ROBO1: variants seen among roughly 807,000 people sequenced by gnomAD.
ROBO1 encodes the protein roundabout guidance receptor 1.
Under a neutral mutation model 195.9 loss-of-function variants are expected in ROBO1, and 149 were observed. The observed-to-expected ratio is 0.76, with a 90% CI of 0.67 to 0.87. ROBO1 has a LOEUF of 0.87. Ranked by LOEUF, ROBO1 falls within the 40% of genes least tolerant of loss-of-function variation. The pLI is 0.00. For missense variants in ROBO1, 1,933 were observed against 2,068.3 expected, an observed-to-expected ratio of 0.93 and a Z score of 1.27; for synonymous variants, 816 against 733.2, an observed-to-expected ratio of 1.11 and a Z score of -1.82.
At chr3:78,973,708 A>G (rs891459488) in intron 3 of ROBO1, among the ~76,000 whole-genome samples, 6 of 151,226 alleles carry the variant, frequency 4.0e-5, no homozygotes, top group African/African-American at 1.5e-4. Flanking sequence ...CATACTTTTC[A>G]TATTTTTCAG....
At chr3:78,728,181 C>T (rs921429040) in intron 5 of ROBO1, among the ~76,000 whole-genome samples, 1 of 151,584 alleles carries the variant, frequency 6.6e-6, no homozygotes, top group Non-Finnish European at 1.5e-5. Flanking sequence ...TTCACAGAGC[C>T]CTAAAAGAGA....
intron 2 of ROBO1, among the ~76,000 whole-genome samples, chr3:79,483,893 T>A (rs934565723): frequency 4.4e-4 from 66 of 150,242 alleles, no homozygotes; most frequent in African/African-American, 1.6e-3. Flanking sequence ...AGAAGGAGAG[T>A]GCAGAACTGG....
chr3:79,738,098 A>AT (rs1303430663), intron 1 of ROBO1, among the ~76,000 whole-genome samples: 4 of 152,168 alleles, frequency 2.6e-5, no homozygotes, highest in Non-Finnish European at 2.9e-5. Context: ...AGCCAATTTT[A>AT]TTTTTTCAGA....
chr3:79,598,496 C>A (rs1944246985), intron 1 of ROBO1, among the ~76,000 whole-genome samples: 1 of 151,990 alleles, frequency 6.6e-6, no homozygotes, highest in South Asian at 2.1e-4. Context: ...AAAAGTAACA[C>A]CAAATATCAG....
At chr3:79,202,860 T>C (rs2081794430) in intron 2 of ROBO1, among the ~76,000 whole-genome samples, 1 of 152,112 alleles carries the variant, frequency 6.6e-6, no homozygotes, top group South Asian at 2.1e-4. Flanking sequence ...AGCTATAAAA[T>C]TTCCTTTAAA....
intron 4 of ROBO1, among the ~76,000 whole-genome samples, chr3:78,762,734 T>A (rs1241592659): frequency 2.0e-5 from 3 of 152,066 alleles, no homozygotes; most frequent in Non-Finnish European, 2.9e-5. Context: ...TTTTTATAAT[T>A]GAAATAACAT....
chr3:79,192,135 C>T (rs1559725042), intron 2 of ROBO1, among the ~76,000 whole-genome samples: 1 of 151,276 alleles, frequency 6.6e-6, no homozygotes, highest in Admixed American at 6.6e-5. Flanking sequence ...GAAATATATC[C>T]CCACATTTGA....
intron 3 of ROBO1, among the ~76,000 whole-genome samples, chr3:78,970,098 G>C (rs1010983578): frequency 6.6e-6 from 1 of 151,954 alleles, no homozygotes; most frequent in Non-Finnish European, 1.5e-5. Flanking sequence ...AGGAGCCAAA[G>C]ACTCATTAAA....
intron 2 of ROBO1, among the ~76,000 whole-genome samples, chr3:79,265,495 G>A (rs2083023360): frequency 1.3e-5 from 2 of 151,614 alleles, no homozygotes; most frequent in East Asian, 1.9e-4. Context: ...ATATCTAGAG[G>A]AGAGAGTAAT....
At chr3:79,440,995 T>C (rs964765029) in intron 2 of ROBO1, among the ~76,000 whole-genome samples, 9 of 152,168 alleles carry the variant, frequency 5.9e-5, no homozygotes, top group African/African-American at 2.2e-4. Context: ...AATATCAAGT[T>C]AAAGTTTGAC....
intron 11 of ROBO1, 39 bp from the exon 12 acceptor site, chr3:78,668,604 A>G: frequency 6.3e-7 from 1 of 1,593,620 alleles, no homozygotes; most frequent in Non-Finnish European, 8.6e-7. Flanking sequence ...TGGAAAAATC[A>G]AGAACTCACT....
chr3:79,719,156 C>T (rs1702600414), intron 1 of ROBO1, among the ~76,000 whole-genome samples: 4 of 151,054 alleles, frequency 2.6e-5, no homozygotes, highest in African/African-American at 7.3e-5. Flanking sequence ...AGGAACTAGT[C>T]GAAAATGAAC....
At chr3:79,342,429 C>T (rs76341860) in intron 2 of ROBO1, among the ~76,000 whole-genome samples, 8,589 of 152,186 alleles carry the variant, frequency 0.056, 295 homozygotes, top group African/African-American at 0.092. Flanking sequence ...AGAAAAGTGG[C>T]TTTTAAAGCT....
At chr3:79,246,205 T>C (rs1301008676) in intron 2 of ROBO1, among the ~76,000 whole-genome samples, 3 of 152,116 alleles carry the variant, frequency 2.0e-5, no homozygotes, top group Non-Finnish European at 4.4e-5. Flanking sequence ...ACATAACTTA[T>C]GAATGAATGC....
At chr3:78,724,614 A>T (rs1229509404) in intron 5 of ROBO1, among the ~76,000 whole-genome samples, 1 of 151,826 alleles carries the variant, frequency 6.6e-6, no homozygotes, top group Non-Finnish European at 1.5e-5. Context: ...GCTGTGAGGC[A>T]GAGGTTGCAG....
intron 2 of ROBO1, among the ~76,000 whole-genome samples, chr3:79,159,273 A>G (rs1319788246): frequency 6.6e-6 from 1 of 152,012 alleles, no homozygotes; most frequent in Non-Finnish European, 1.5e-5. Context: ...ATGCAATACT[A>G]TAATATCAAT....
At chr3:79,658,141 T>G (rs1946224296) in intron 1 of ROBO1, among the ~76,000 whole-genome samples, 1 of 152,124 alleles carries the variant, frequency 6.6e-6, no homozygotes, top group African/African-American at 2.4e-5. Context: ...TTTTTATGTC[T>G]TAAAGATAAT....
intron 1 of ROBO1, among the ~76,000 whole-genome samples, chr3:79,661,033 T>TA (rs1214227441): frequency 6.6e-6 from 1 of 152,096 alleles, no homozygotes; most frequent in East Asian, 1.9e-4. Context: ...TCCAACAATT[T>TA]ATACTAAAAA....
intron 3 of ROBO1, among the ~76,000 whole-genome samples, chr3:78,977,939 T>C (rs540268017): frequency 3.3e-4 from 51 of 152,284 alleles, no homozygotes; most frequent in Admixed American, 5.9e-4. Flanking sequence ...ATTATAATAG[T>C]GCCATCTAAA....
Sources: allele counts gnomAD v4.1 joint callset (sites outside exome capture counted in the v4.1 genomes callset), GRCh38; gene constraint gnomAD v4.1.1; transcripts MANE v1.5; gene names NCBI Gene and HGNC (gene_info 2026-07-23, HGNC 2026-07-21).